The following MAMSTR variants were observed in gnomAD, a reference collection of about 807,000 sequenced individuals.
The protein encoded by MAMSTR is MEF2-activating motif and SAP domain-containing transcriptional regulator.
Under a neutral mutation model 42.7 loss-of-function variants are expected in MAMSTR, and 41 were observed. The ratio of observed to expected loss-of-function variants is 0.96; its 90% confidence interval spans 0.75 to 1.25. The LOEUF (loss-of-function observed/expected upper bound fraction) is 1.25. Among genes scored for constraint, MAMSTR ranks in the 50% most tolerant of loss-of-function variants. The pLI is 0.00. For synonymous variants in MAMSTR, 265 were observed against 244.1 expected (o/e 1.09, Z -0.80); for missense variants, 567 against 557.6 (o/e 1.02, Z -0.17).
downstream of MAMSTR, among the ~76,000 whole-genome samples, chr19:48,707,851 G>C (rs1233467819): frequency 1.1e-5 from 1 of 88,288 alleles, no homozygotes; most frequent in Non-Finnish European, 2.4e-5. Context: ...AAGAAAGAAA[G>C]AAAGAAAGAA....
intron 2 of MAMSTR, among the ~76,000 whole-genome samples, chr19:48,718,380 C>CTTTTTTTTT (rs796615883): frequency 5.3e-5 from 5 of 95,164 alleles, no homozygotes; most frequent in Admixed American, 1.2e-4. Context: ...TTGCACACTT[C>CTTTTTTTTT]TTTTTTTTTT....
chr19:48,712,783 C>A lies in MAMSTR; in HGVS notation c.*484G>T, dbSNP rs2032764670. On this transcript the variant is annotated 3_prime_UTR_variant, in exon 10 of 10. Transcript: ENST00000318083. ...CATTTATATCTTGTCTCAGGCTCTG[C>A]TTCCAAGAGAAGCTGATCTTAGACC... 6.5e-6 allele frequency: 1 copy of A among 153,498 alleles called. No homozygotes were observed. The highest frequency in any genetic ancestry group is 2.0e-4 in the South Asian group (1 of 4,896). 9.5% of individuals were successfully genotyped at this position (153,498 alleles called of 1,614,324 possible).
chr19:48,716,423 C>A (rs1459078557), intron 3 of MAMSTR, among the ~76,000 whole-genome samples: 1 of 145,310 alleles, frequency 6.9e-6, no homozygotes, highest in Non-Finnish European at 1.5e-5. Context: ...CTCATGTATA[C>A]CAAATGTGGA....
downstream of MAMSTR, among the ~76,000 whole-genome samples, chr19:48,709,697 A>T (rs1242322048): frequency 6.6e-6 from 1 of 152,122 alleles, no homozygotes; most frequent in East Asian, 1.9e-4. Flanking sequence ...TATGTAAACC[A>T]GCCAATCCAG....
chr19:48,715,805 C>G (rs2122329759), intron 3 of MAMSTR, 38 bp from the exon 4 acceptor site: 1 of 1,516,144 alleles, frequency 6.6e-7, no homozygotes, highest in South Asian at 1.3e-5. Context: ...GGCCTGCAGG[C>G]AGCAAGCCAG....
At position 48,713,685 on chromosome 19, in the gene MAMSTR, C is replaced by A. The variant is rs1421020258; in HGVS notation, c.964+31G>T. The A allele has an allele frequency of 5.6e-6, 9 of 1,613,496 alleles. No individual in the cohort carries two copies. In the South Asian group the frequency reaches 9.9e-5, roughly 18 times the overall value. Reference sequence around the variant, plus strand: ...CAGGAGTCCAGAACCTCAGCCCCCACCTCCCCTAAATCTAGCAGTTTGGAT... The same window carrying A: ...CAGGAGTCCAGAACCTCAGCCCCCAACTCCCCTAAATCTAGCAGTTTGGAT... On this transcript the variant is annotated intron_variant, in intron 9 of 9. Transcript: ENST00000318083.
chr19:48,707,133 T>TA, the MAMSTR span, among the ~76,000 whole-genome samples: 1 of 151,640 alleles, frequency 6.6e-6, no homozygotes, highest in Non-Finnish European at 1.5e-5. Flanking sequence ...ATCGAAAAGA[T>TA]ACAGGCCAGG....
downstream of MAMSTR, among the ~76,000 whole-genome samples, chr19:48,708,748 G>C (rs527763864): frequency 6.6e-6 from 1 of 152,144 alleles, no homozygotes; most frequent in South Asian, 2.1e-4. Context: ...GGAGGCAGGT[G>C]GGGGGCCTGG....
downstream of MAMSTR, among the ~76,000 whole-genome samples, chr19:48,707,972 C>T (rs990464487): frequency 4.0e-5 from 6 of 151,822 alleles, no homozygotes; most frequent in South Asian, 4.2e-4. Context: ...TGGTGACTCA[C>T]GCCTGTAATC....
chr19:48,714,245 T>A, intron 7 of MAMSTR, 121 bp downstream of exon 7: 1 of 1,032,982 alleles, frequency 9.7e-7, no homozygotes. Flanking sequence ...TCCCCTCGCC[T>A]TCAAGGCTTC....
chr19:48,715,914 G>A (rs2033002449), intron 3 of MAMSTR, 147 bp from the exon 4 acceptor site: 1 of 1,434,848 alleles, frequency 7.0e-7, no homozygotes, highest in African/African-American at 1.5e-5. Flanking sequence ...CGCCTGAACT[G>A]GATCTGAGGG....
At chr19:48,706,493 T>C in the MAMSTR span, among the ~76,000 whole-genome samples, 5 of 151,072 alleles carry the variant, frequency 3.3e-5, no homozygotes, top group Admixed American at 6.6e-5. Flanking sequence ...CAAAATTAGC[T>C]AGGCGTGGTG....
downstream of MAMSTR, among the ~76,000 whole-genome samples, chr19:48,708,170 G>T (rs952448503): frequency 7.4e-5 from 11 of 149,372 alleles, no homozygotes; most frequent in Admixed American, 6.7e-4. Context: ...GGAGGCAGAG[G>T]TTGCGGTGAG....
rs927703370 is a variant in MAMSTR at position 48,715,991 on chromosome 19, G to C, written c.98-224C>G. ...AGCAGGAATTTTCTATCACAAAGGG[G>C]TGTGGTAGCTGAGGATCACAGATGT... On this transcript the variant is annotated intron_variant, in intron 3 of 9. Coordinates refer to ENST00000318083, the MANE Select transcript of MAMSTR (RefSeq NM_001130915.2). The C allele has an allele frequency of 1.9e-5, 26 of 1,337,388 alleles. No individual in the cohort carries two copies. In the African/African-American group the frequency reaches 3.9e-4, roughly 20 times the overall value. 82.8% of individuals were successfully genotyped at this position (1,337,388 alleles called of 1,614,324 possible). A position where few individuals can be genotyped will look rare whatever the true frequency, so the allele number is the denominator to read the frequency against.
At position 48,713,290 on chromosome 19, in the gene MAMSTR, C is replaced by G. The variant is rs1257408878; in HGVS notation, c.1225G>C (p.Asp409His). ...LSDSSSSRLWDLLEDPW is the reference protein window; with the variant it reads ...LSDSSSSRLWHLLEDPW ...CATCACCATGGATCCTCCAGCAGGT[C>G]CCACAGCCGGCTGCTGCTGGAGTCA... Residue 409 changes from aspartate (D) to histidine (H), a missense_variant, in exon 10 of 10, where the codon GAC (aspartate) becomes CAC (histidine). Physicochemically the swap from Asp to His is moderately conservative, Grantham distance 81. Coordinates refer to ENST00000318083, the MANE Select transcript of MAMSTR (RefSeq NM_001130915.2). The G allele has an allele frequency of 1.2e-6, 2 of 1,603,080 alleles. No homozygotes were observed. Among genetic ancestry groups the G allele is most frequent in the Non-Finnish European group, 1.7e-6 (2 of 1,177,082 alleles).
Position 48,714,509 on chromosome 19 carries a change from TC to T in MAMSTR, c.579del (p.Thr194ProfsTer85). On this transcript the variant is annotated frameshift_variant, in exon 7 of 10. Coordinates refer to ENST00000318083, the MANE Select transcript of MAMSTR (RefSeq NM_001130915.2). LOFTEE classifies it high-confidence loss of function. ...ATGCGCTCCAGGAGCATAGACTTGG[TC>T]CCCGACACTGGGAGGCCCCGCAGGC... Reference protein sequence around the residue: ...QLRLRGLPVSGTKSMLLERMR... With the variant: ...QLRLRGLPVSXTKSMLLERMR... 1.4e-6 allele frequency: 2 copies of T among 1,448,980 alleles called. No homozygotes were observed. Among genetic ancestry groups the T allele is most frequent in the South Asian group, 2.9e-5 (2 of 68,526 alleles). 89.8% of individuals were successfully genotyped at this position (1,448,980 alleles called of 1,614,324 possible). A position where few individuals can be genotyped will look rare whatever the true frequency, so the allele number is the denominator to read the frequency against.
In MAMSTR at chr19:48,714,449, G is replaced by T; in HGVS notation, c.640C>A (p.Pro214Thr). 1 of 1,359,872 alleles carries T rather than the reference G, an allele frequency of 7.4e-7. No homozygotes were observed. Among genetic ancestry groups the T allele is most frequent in the South Asian group, 1.9e-5 (1 of 51,756 alleles). 84.2% of individuals were successfully genotyped at this position (1,359,872 alleles called of 1,614,324 possible). ...GGAPPRERPK[P>T]RREDSPAGAP... is the part of the protein sequence containing the mutation. ...CCCGCGGGACTGTCCTCGCGCCGCG[G>T]CTTCGGCCGCTCGCGGGGCGGCGCG... is the stretch of plus-strand genomic sequence containing the variant. Residue 214 changes from proline (P) to threonine (T), a missense_variant, in exon 7 of 10, where the codon CCG becomes ACG. Physicochemically the swap from Pro to Thr is conservative, Grantham distance 38. Transcript: ENST00000318083.
intron 5 of MAMSTR, 141 bp downstream of exon 5, chr19:48,715,121 G>T: frequency 1.3e-6 from 1 of 747,910 alleles, no homozygotes; most frequent in South Asian, 1.8e-5. Context: ...GAAGGGAGGG[G>T]CTGGGATCCT....
At chr19:48,713,666 T>G in intron 9 of MAMSTR, 50 bp downstream of exon 9, 2 of 1,610,810 alleles carry the variant, frequency 1.2e-6, no homozygotes, top group Non-Finnish European at 1.7e-6. Flanking sequence ...GACGCAGGAG[T>G]CCAGAACCTC....
Sources: allele counts gnomAD v4.1 joint callset (sites outside exome capture counted in the v4.1 genomes callset), GRCh38; gene constraint gnomAD v4.1.1; transcripts MANE v1.5; gene names NCBI Gene and HGNC (gene_info 2026-07-23, HGNC 2026-07-21).